The following BHLHE22 variants were observed in gnomAD, a reference collection of about 807,000 sequenced individuals.
BHLHE22 encodes the protein class E basic helix-loop-helix protein 22.
In BHLHE22, 8 loss-of-function variants were observed where a neutral mutation model predicts 17.6. That is an observed-to-expected ratio of 0.45 (90% CI 0.27 to 0.82). The LOEUF (loss-of-function observed/expected upper bound fraction) is 0.82, where lower values mean the gene tolerates loss of function less well. Among genes scored for constraint, BHLHE22 ranks in the 40% least tolerant of loss-of-function variants. The pLI, the probability that BHLHE22 is intolerant of heterozygous loss-of-function variation, is 0.16. For synonymous variants in BHLHE22, 353 were observed against 282.7 expected (o/e 1.25, Z -2.49); for missense variants, 570 against 581.5 (o/e 0.98, Z 0.20).
chr8:64,582,180 G>A lies in BHLHE22; in HGVS notation c.*244G>A. 1.8e-6 allele frequency: 1 copy of A among 564,142 alleles called. No homozygotes were observed. Among genetic ancestry groups the A allele is most frequent in the East Asian group, 3.4e-5 (1 of 29,790 alleles). 34.9% of individuals were successfully genotyped at this position (564,142 alleles called of 1,614,324 possible). On this transcript the variant is annotated 3_prime_UTR_variant, in exon 1 of 1. Coordinates refer to ENST00000321870, the MANE Select transcript of BHLHE22 (RefSeq NM_152414.5). Reference sequence around the variant, plus strand: ...GGTGGAGTTGGGATGGAGTATGGATGTCTTTTTTTTCTCAGAAAAGTGGCA... The same window carrying A: ...GGTGGAGTTGGGATGGAGTATGGATATCTTTTTTTTCTCAGAAAAGTGGCA...
Position 64,580,920 on chromosome 8 carries a change from C to A in BHLHE22, c.130C>A (p.Leu44Met), listed in dbSNP as rs1229243911. ...AFRSTPPGMD[L>M]SLAPPPRERP... The stretch of plus-strand genomic sequence containing the variant: ...CCGCTCCACGCCCCCGGGCATGGAC[C>A]TGTCCCTGGCGCCGCCGCCTCGGGA... The change falls in exon 1 of 1, where the codon CTG becomes ATG. Residue 44 changes from leucine (L) to methionine (M), a missense_variant. Around this residue, in one of 3 missense-constraint regions of BHLHE22, gnomAD observed 427 missense variants for 376.2 expected, o/e 1.14. Transcript: ENST00000321870. The A allele has an allele frequency of 4.0e-6, 6 of 1,507,256 alleles. No homozygotes were observed. In the East Asian group the frequency reaches 1.6e-4, roughly 41 times the overall value. The allele number at this position is 1,507,256 out of a possible 1,614,324, so 93.4% of individuals were successfully genotyped here.
Position 64,581,153 on chromosome 8 carries a change from C to T in BHLHE22, c.363C>T (p.Ala121=), listed in dbSNP as rs750095533. 1.4e-6 allele frequency: 2 copies of T among 1,409,922 alleles called. No homozygotes were observed. Among genetic ancestry groups the T allele is most frequent in the South Asian group, 3.3e-5 (2 of 60,100 alleles). The allele number at this position is 1,409,922 out of a possible 1,614,324, so 87.3% of individuals were successfully genotyped here. A position where few individuals can be genotyped will look rare whatever the true frequency, so the allele number is the denominator to read the frequency against. ...ACCCTAGCCTAAGCAGCCTGCCGGC[C>T]GGGGCCGCCCTTTGCCTCAAGTACG... ...GGDPSLSSLP[A]GAALCLKYGE... The change falls in exon 1 of 1, where the codon GCC becomes GCT. Residue 121 remains alanine (A), a synonymous_variant. Transcript: ENST00000321870. This position sits in a 1 kb window ranked among gnomAD's most constrained non-coding sequence, Gnocchi z 6.4.
In BHLHE22 at chr8:64,582,008, A is replaced by G; in HGVS notation, c.*72A>G. 2.0e-6 allele frequency: 3 copies of G among 1,523,486 alleles called. No individual in the cohort carries two copies. The highest frequency in any genetic ancestry group is 2.7e-6 in the Non-Finnish European group (3 of 1,130,332). The allele number at this position is 1,523,486 out of a possible 1,614,324, so 94.4% of individuals were successfully genotyped here. A position where few individuals can be genotyped will look rare whatever the true frequency, so the allele number is the denominator to read the frequency against. ...CGAAAAGCTGCTCCCCACCCCCTTT[A>G]TTTTGGTCCTCTCGTAGTTGTGAAA... is the stretch of plus-strand genomic sequence containing the variant. On this transcript the variant is annotated 3_prime_UTR_variant, in exon 1 of 1. Coordinates refer to ENST00000321870, the MANE Select transcript of BHLHE22 (RefSeq NM_152414.5).
Position 64,581,784 on chromosome 8 carries a change from G to A in BHLHE22, c.994G>A (p.Ala332Thr). The change falls in exon 1 of 1, where the codon GCT becomes ACT. Residue 332 changes from alanine to threonine, a missense_variant. By Grantham distance (58) the Ala-to-Thr change is moderately conservative. Around this residue, in one of 3 missense-constraint regions of BHLHE22, gnomAD observed 111 missense variants for 122.0 expected, o/e 0.91. Transcript: ENST00000321870. The surrounding 1 kb of genome is among the most constrained non-coding windows in gnomAD (Gnocchi z 6.4). ...CTCGGCGGCTGCAGCGGCAGCAGCT[G>A]CTGCCCTGCACCCGGCGCTCGGCGC... ...PSSAAAAAAA[A>T]ALHPALGAYE... 1 of 1,589,260 alleles carries A rather than the reference G, an allele frequency of 6.3e-7. No individual in the cohort carries two copies.
At position 64,581,339 on chromosome 8, in the gene BHLHE22, C is replaced by T. The variant is rs1044536773; in HGVS notation, c.549C>T (p.Gly183=). 15 of 1,463,270 alleles carry T rather than the reference C, an allele frequency of 1.0e-5. No individual in the cohort carries two copies. The highest frequency in any genetic ancestry group is 1.2e-5 in the Non-Finnish European group (14 of 1,120,294). 90.6% of individuals were successfully genotyped at this position (1,463,270 alleles called of 1,614,324 possible). Residue 183 remains glycine (G), a synonymous_variant, in exon 1 of 1, where the codon GGC becomes GGT. Transcript: ENST00000321870. The surrounding 1 kb of genome is among the most constrained non-coding windows in gnomAD (Gnocchi z 6.4). ...AGGGGAKAAE[G]CSNAHLHGGA... Reference sequence around the variant, plus strand: ...GTGGTGGCGCGAAGGCAGCCGAGGGCTGCTCCAATGCCCACCTCCACGGCG... The same window carrying T: ...GTGGTGGCGCGAAGGCAGCCGAGGGTTGCTCCAATGCCCACCTCCACGGCG...
rs1309564375 is a variant in BHLHE22 at position 64,582,146 on chromosome 8, G to A, written c.*210G>A. The A allele has an allele frequency of 8.0e-6, 3 of 376,852 alleles. No homozygotes were observed. The highest frequency in any genetic ancestry group is 1.5e-5 in the Non-Finnish European group (3 of 195,510). 23.3% of individuals were successfully genotyped at this position (376,852 alleles called of 1,614,324 possible). ...TCGGTCTTTGGGGTGGGGAGGGAGG[G>A]AGGAGGGAGGTGGAGTTGGGATGGA... On this transcript the variant is annotated 3_prime_UTR_variant, in exon 1 of 1. Coordinates refer to ENST00000321870, the MANE Select transcript of BHLHE22 (RefSeq NM_152414.5).
chr8:64,581,437 G>T lies in BHLHE22; in HGVS notation c.647G>T (p.Gly216Val). 12 of 1,537,032 alleles carry T rather than the reference G, an allele frequency of 7.8e-6. No homozygotes were observed. Among genetic ancestry groups the T allele is most frequent in the Non-Finnish European group, 1.0e-5 (12 of 1,146,400 alleles). ...GGSSSGSSGG[G>V]GGSGSGSGGS... The stretch of plus-strand genomic sequence containing the variant: ...AGCAGCAGCGGTAGCAGTGGCGGCG[G>T]TGGCGGTAGCGGTAGCGGCAGCGGC... Residue 216 changes from glycine to valine, a missense_variant, in exon 1 of 1, where the codon GGT becomes GTT. Physicochemically the swap from Gly to Val is moderately radical, Grantham distance 109. Transcript: ENST00000321870. This position sits in a 1 kb window ranked among gnomAD's most constrained non-coding sequence, Gnocchi z 6.4.
In BHLHE22 at chr8:64,583,295, G is replaced by A. The variant is rs573323050; in HGVS notation, c.*1359G>A. 8 of 167,136 alleles carry A rather than the reference G, an allele frequency of 4.8e-5. No individual in the cohort carries two copies. The South Asian group carries it at 1.7e-3, about 35-fold the overall frequency. The allele number at this position is 167,136 out of a possible 1,614,324, so 10.4% of individuals were successfully genotyped here. ...TAAAAAAATAAAATTTAAAAAGAAA[G>A]AAAACTAAGGAAGAACAAGAAGCTA... On this transcript the variant is annotated 3_prime_UTR_variant, in exon 1 of 1. Transcript: ENST00000321870.
At position 64,581,030 on chromosome 8, in the gene BHLHE22, T is replaced by C; in HGVS notation, c.240T>C (p.Pro80=). The part of the protein sequence containing the change: ...PEGAGLLLPP[P]GGGGGGSAGS... ...GGGCAGGGCTGCTGTTGCCGCCGCC[T>C]GGAGGAGGCGGCGGCGGCAGCGCGG... The change falls in exon 1 of 1, where the codon CCT becomes CCC. Residue 80 remains proline, a synonymous_variant. Coordinates refer to ENST00000321870, the MANE Select transcript of BHLHE22 (RefSeq NM_152414.5). This position sits in a 1 kb window ranked among gnomAD's most constrained non-coding sequence, Gnocchi z 6.4. 14 of 1,316,332 alleles carry C rather than the reference T, an allele frequency of 1.1e-5. No individual in the cohort carries two copies. Among genetic ancestry groups the C allele is most frequent in the Non-Finnish European group, 1.2e-5 (13 of 1,042,952 alleles). 81.5% of individuals were successfully genotyped at this position (1,316,332 alleles called of 1,614,324 possible). A position where few individuals can be genotyped will look rare whatever the true frequency, so the allele number is the denominator to read the frequency against.
Position 64,581,534 on chromosome 8 carries a change from T to C in BHLHE22, c.744T>C (p.Asn248=). 1 of 1,608,328 alleles carries C rather than the reference T, an allele frequency of 6.2e-7. No individual in the cohort carries two copies. Among genetic ancestry groups the C allele is most frequent in the Non-Finnish European group, 8.5e-7 (1 of 1,179,238 alleles). The stretch of plus-strand genomic sequence containing the variant: ...AAAAGGCGCTGCGGCTTAACATCAA[T>C]GCCCGAGAGCGCCGGCGGATGCACG... The part of the protein sequence containing the change: ...KEQKALRLNI[N]ARERRRMHDL... The change falls in exon 1 of 1, where the codon AAT becomes AAC. Residue 248 remains asparagine, a synonymous_variant. Coordinates refer to ENST00000321870, the MANE Select transcript of BHLHE22 (RefSeq NM_152414.5). The surrounding 1 kb of genome is among the most constrained non-coding windows in gnomAD (Gnocchi z 6.4).
In BHLHE22 at chr8:64,581,142, A is replaced by C. The variant is rs1172410194; in HGVS notation, c.352A>C (p.Ser118Arg). 7.1e-7 allele frequency: 1 copy of C among 1,407,580 alleles called. No individual in the cohort carries two copies. Among genetic ancestry groups the C allele is most frequent in the East Asian group, 2.8e-5 (1 of 35,390 alleles). The allele number at this position is 1,407,580 out of a possible 1,614,324, so 87.2% of individuals were successfully genotyped here. Reference sequence around the variant, plus strand: ...CGTTGGGGGCGACCCTAGCCTAAGCAGCCTGCCGGCCGGGGCCGCCCTTTG... The same window carrying C: ...CGTTGGGGGCGACCCTAGCCTAAGCCGCCTGCCGGCCGGGGCCGCCCTTTG... Reference protein sequence around the residue: ...AGVGGDPSLSSLPAGAALCLK... With the variant: ...AGVGGDPSLSRLPAGAALCLK... Residue 118 changes from serine (S) to arginine (R), a missense_variant, in exon 1 of 1, where the codon AGC becomes CGC. Transcript: ENST00000321870. The surrounding 1 kb of genome is among the most constrained non-coding windows in gnomAD (Gnocchi z 6.4).
Position 64,581,436 on chromosome 8 carries a change from G to C in BHLHE22, c.646G>C (p.Gly216Arg), listed in dbSNP as rs1232631346. 2 of 1,536,492 alleles carry C rather than the reference G, an allele frequency of 1.3e-6. No individual in the cohort carries two copies. The highest frequency in any genetic ancestry group is 1.7e-6 in the Non-Finnish European group (2 of 1,146,178). The change falls in exon 1 of 1, where the codon GGT (glycine) becomes CGT (arginine). Residue 216 changes from glycine to arginine, a missense_variant. Transcript: ENST00000321870. The surrounding 1 kb of genome is among the most constrained non-coding windows in gnomAD (Gnocchi z 6.4). ...TAGCAGCAGCGGTAGCAGTGGCGGC[G>C]GTGGCGGTAGCGGTAGCGGCAGCGG... ...GGSSSGSSGGGGGSGSGSGGS... is the reference protein window; with the variant it reads ...GGSSSGSSGGRGGSGSGSGGS...
chr8:64,581,852 C>G lies in BHLHE22; in HGVS notation c.1062C>G (p.Pro354=), dbSNP rs747571849. 6 of 1,607,752 alleles carry G rather than the reference C, an allele frequency of 3.7e-6. No individual in the cohort carries two copies. The highest frequency in any genetic ancestry group is 5.1e-6 in the Non-Finnish European group (6 of 1,179,356). ...GCTACCCGTTCAGCGCCGGACTGCC[C>G]CCGGCTGCCTCCTGCCCGGAGAAGT... is the stretch of plus-strand genomic sequence containing the variant. The part of the protein sequence containing the change: ...AAGYPFSAGL[P]PAASCPEKCA... The change falls in exon 1 of 1, where the codon CCC becomes CCG. Residue 354 remains proline (P), a synonymous_variant. Coordinates refer to ENST00000321870, the MANE Select transcript of BHLHE22 (RefSeq NM_152414.5). The surrounding 1 kb of genome is among the most constrained non-coding windows in gnomAD (Gnocchi z 6.4).
Position 64,582,258 on chromosome 8 carries a change from A to G in BHLHE22, c.*322A>G. 2.5e-6 allele frequency: 1 copy of G among 406,020 alleles called. No homozygotes were observed. 25.2% of individuals were successfully genotyped at this position (406,020 alleles called of 1,614,324 possible). On this transcript the variant is annotated 3_prime_UTR_variant, in exon 1 of 1. Transcript: ENST00000321870. ...AAGTGGAATCTTCCTTAAAGGTGAAACATAAGTTGAGAAGTAGTGCTTGGT... is the reference window on the plus strand; with the variant it reads ...AAGTGGAATCTTCCTTAAAGGTGAAGCATAAGTTGAGAAGTAGTGCTTGGT...
At position 64,583,498 on chromosome 8, in the gene BHLHE22, T is replaced by C. The variant is rs1463317269; in HGVS notation, c.*1562T>C. The C allele has an allele frequency of 1.8e-5, 3 of 167,108 alleles. No individual in the cohort carries two copies. The highest frequency in any genetic ancestry group is 4.4e-5 in the Non-Finnish European group (3 of 68,112). 10.4% of individuals were successfully genotyped at this position (167,108 alleles called of 1,614,324 possible). On this transcript the variant is annotated 3_prime_UTR_variant, in exon 1 of 1. Transcript: ENST00000321870. ...TGAGTTGGGAGCTGTGATGGATCTG[T>C]TGGCGGGTTTTGGATGTGTAAAGAA...
rs1010254909 is a variant in BHLHE22, at chr8:64,582,620, A to T, written c.*684A>T. 6.0e-6 allele frequency: 1 copy of T among 167,120 alleles called. No individual in the cohort carries two copies. Among genetic ancestry groups the T allele is most frequent in the African/African-American group, 2.4e-5 (1 of 41,450 alleles). The allele number at this position is 167,120 out of a possible 1,614,324, so 10.4% of individuals were successfully genotyped here. A position where few individuals can be genotyped will look rare whatever the true frequency, so the allele number is the denominator to read the frequency against. On this transcript the variant is annotated 3_prime_UTR_variant, in exon 1 of 1. Transcript: ENST00000321870. ...AAAGTTTTGGCGAGAGTGATATAAA[A>T]AAACTGACTGTGGCTGAAAGAATTG...
Position 64,580,804 on chromosome 8 carries a change from T to C in BHLHE22, c.14T>C (p.Met5Thr). ...CGGCGCGGGACCATGGAGCGCGGGA[T>C]GCACCTCGGTGCAGCGGCCGCCGGC... MERG[M>T]HLGAAAAGED... Residue 5 changes from methionine (M) to threonine (T), a missense_variant, in exon 1 of 1, where the codon ATG becomes ACG. Met to Thr is a moderately conservative substitution (Grantham distance 81). Around this residue, in one of 3 missense-constraint regions of BHLHE22, gnomAD observed 427 missense variants for 376.2 expected, o/e 1.14. Transcript: ENST00000321870. The C allele has an allele frequency of 5.7e-6, 8 of 1,402,628 alleles. No individual in the cohort carries two copies. Among genetic ancestry groups the C allele is most frequent in the Non-Finnish European group, 7.4e-6 (8 of 1,078,094 alleles). 86.9% of individuals were successfully genotyped at this position (1,402,628 alleles called of 1,614,324 possible).
chr8:64,581,165 T>C lies in BHLHE22; in HGVS notation c.375T>C (p.Leu125=). Residue 125 remains leucine (L), a synonymous_variant, in exon 1 of 1, where the codon CTT becomes CTC. Transcript: ENST00000321870. This position sits in a 1 kb window ranked among gnomAD's most constrained non-coding sequence, Gnocchi z 6.4. ...GCAGCCTGCCGGCCGGGGCCGCCCT[T>C]TGCCTCAAGTACGGCGAAAGCGCGA... The part of the protein sequence containing the change: ...SLSSLPAGAA[L]CLKYGESASR... 1.4e-6 allele frequency: 2 copies of C among 1,419,334 alleles called. No individual in the cohort carries two copies. The highest frequency in any genetic ancestry group is 1.8e-6 in the Non-Finnish European group (2 of 1,097,902). The allele number at this position is 1,419,334 out of a possible 1,614,324, so 87.9% of individuals were successfully genotyped here. A position where few individuals can be genotyped will look rare whatever the true frequency, so the allele number is the denominator to read the frequency against.
In BHLHE22 at chr8:64,582,044, G is replaced by C; in HGVS notation, c.*108G>C. The C allele has an allele frequency of 1.6e-6, 2 of 1,286,558 alleles. No homozygotes were observed. Among genetic ancestry groups the C allele is most frequent in the East Asian group, 5.7e-5 (2 of 35,204 alleles). 79.7% of individuals were successfully genotyped at this position (1,286,558 alleles called of 1,614,324 possible). A position where few individuals can be genotyped will look rare whatever the true frequency, so the allele number is the denominator to read the frequency against. The stretch of plus-strand genomic sequence containing the variant: ...CTCGTAGTTGTGAAACACTTGCAGA[G>C]CAAACAAAGCAGAGGCAAGAACTGA... On this transcript the variant is annotated 3_prime_UTR_variant, in exon 1 of 1. Coordinates refer to ENST00000321870, the MANE Select transcript of BHLHE22 (RefSeq NM_152414.5).
Sources: allele counts gnomAD v4.1 joint callset, GRCh38; gene constraint gnomAD v4.1.1; regional missense constraint gnomAD v4.1.1; non-coding constraint Gnocchi (gnomAD v3.1); transcripts MANE v1.5; gene names NCBI Gene and HGNC (gene_info 2026-07-23, HGNC 2026-07-21).